Variants in MDGA2 observed in about 807,000 individuals in gnomAD.
The protein encoded by MDGA2 is MAM domain-containing glycosylphosphatidylinositol anchor protein 2.
In MDGA2, 40 loss-of-function variants were observed where a neutral mutation model predicts 117.8. The observed-to-expected ratio is 0.34, with a 90% CI of 0.26 to 0.44. The LOEUF is 0.44. Ranked by LOEUF, MDGA2 falls within the 20% of genes least tolerant of loss-of-function variation. The pLI is 1.00. For missense variants in MDGA2, 1,123 were observed against 1,250.6 expected (o/e 0.90, Z 1.54); for synonymous variants, 452 against 439.0 (o/e 1.03, Z -0.37).
intron 11 of MDGA2, among the ~76,000 whole-genome samples, chr14:46,881,437 T>G (rs1285830720): frequency 6.6e-6 from 1 of 152,096 alleles, no homozygotes; most frequent in East Asian, 1.9e-4. Context: ...GGTGGAGAAA[T>G]TATATACACT....
At chr14:47,245,265 G>C (rs1351524363) in intron 2 of MDGA2, among the ~76,000 whole-genome samples, 1 of 151,806 alleles carries the variant, frequency 6.6e-6, no homozygotes, top group African/African-American at 2.4e-5. Flanking sequence ...CTGAGGTCAA[G>C]AGATCCTCCC....
chr14:47,130,273 G>C (rs895038072), intron 5 of MDGA2, among the ~76,000 whole-genome samples: 1 of 152,018 alleles, frequency 6.6e-6, no homozygotes, highest in Non-Finnish European at 1.5e-5. Context: ...TTTTGTATAA[G>C]GTGTAAGGAA....
intron 1 of MDGA2, among the ~76,000 whole-genome samples, chr14:47,308,093 A>T (rs1378420631): frequency 6.6e-6 from 1 of 152,138 alleles, no homozygotes; most frequent in Non-Finnish European, 1.5e-5. Flanking sequence ...ACAAAAGGTC[A>T]TTGCCTTTGG....
chr14:47,593,409 A>G (rs1433589640), intron 1 of MDGA2, among the ~76,000 whole-genome samples: 2 of 152,132 alleles, frequency 1.3e-5, no homozygotes, highest in South Asian at 4.1e-4. Flanking sequence ...GTATCATTCT[A>G]TTATAAAGAT....
At chr14:47,057,689 C>T (rs1348274885) in intron 7 of MDGA2, among the ~76,000 whole-genome samples, 3 of 121,768 alleles carry the variant, frequency 2.5e-5, no homozygotes. Context: ...CTCTCCTCTC[C>T]AATCTGCCTT....
At chr14:47,100,564 C>T (rs1017820128) in intron 5 of MDGA2, among the ~76,000 whole-genome samples, 4 of 151,940 alleles carry the variant, frequency 2.6e-5, no homozygotes, top group East Asian at 1.9e-4. Flanking sequence ...ATTGATTCAT[C>T]GCAGCAACAT....
chr14:47,232,659 G>T (rs919889169), intron 2 of MDGA2, among the ~76,000 whole-genome samples: 5 of 152,022 alleles, frequency 3.3e-5, no homozygotes, highest in Non-Finnish European at 7.4e-5. Context: ...CCAAAAGTAT[G>T]CTCCCTCCAG....
chr14:47,520,796 T>TCATTCCA (rs2138712611), intron 1 of MDGA2, among the ~76,000 whole-genome samples: 1 of 152,326 alleles, frequency 6.6e-6, no homozygotes, highest in African/African-American at 2.4e-5. Flanking sequence ...TCCAATCTAT[T>TCATTCCA]AGATTCATTA....
intron 2 of MDGA2, among the ~76,000 whole-genome samples, chr14:47,262,537 T>C (rs1212814565): frequency 1.3e-5 from 2 of 152,188 alleles, no homozygotes; most frequent in Non-Finnish European, 2.9e-5. Flanking sequence ...ATGATGCAAA[T>C]AGGCACCAGT....
At chr14:47,145,040 A>G (rs1882886108) in intron 3 of MDGA2, among the ~76,000 whole-genome samples, 1 of 152,084 alleles carries the variant, frequency 6.6e-6, no homozygotes, top group African/African-American at 2.4e-5. Flanking sequence ...TATGTATAGT[A>G]CCAAAATATG....
chr14:46,942,750 C>T (rs1223439217), intron 9 of MDGA2, among the ~76,000 whole-genome samples: 2 of 152,088 alleles, frequency 1.3e-5, no homozygotes. Context: ...ATTTTTAACA[C>T]TGAGTAAAAT....
chr14:47,440,493 C>A (rs1396019437), intron 1 of MDGA2, among the ~76,000 whole-genome samples: 1 of 152,090 alleles, frequency 6.6e-6, no homozygotes, highest in Non-Finnish European at 1.5e-5. Flanking sequence ...CAACTTAAGT[C>A]ATACGTAATT....
chr14:47,480,945 T>A (rs1749178385), intron 1 of MDGA2, among the ~76,000 whole-genome samples: 3 of 151,962 alleles, frequency 2.0e-5, no homozygotes, highest in Admixed American at 1.3e-4. Context: ...CTTGCTATTA[T>A]AATGGTAATC....
intron 1 of MDGA2, among the ~76,000 whole-genome samples, chr14:47,645,596 TA>T (rs767702784): frequency 8.6e-4 from 131 of 152,052 alleles, no homozygotes; most frequent in Non-Finnish European, 1.6e-3. Context: ...ATAATTCTTA[TA>T]AAAATAATTC....
chr14:47,049,394 T>C (rs1889375440), intron 7 of MDGA2, among the ~76,000 whole-genome samples: 1 of 146,474 alleles, frequency 6.8e-6, no homozygotes, highest in South Asian at 2.2e-4. Flanking sequence ...ATAACCTATC[T>C]CATCTTCCCA....
Position 46,842,016 on chromosome 14 carries a change from G to C in MDGA2, c.2993C>G (p.Ser998Cys). Residue 998 changes from serine to cysteine, a missense_variant, in exon 17 of 17, where the codon TCC becomes TGC. Physicochemically the swap from Ser to Cys is moderately radical, Grantham distance 112. Coordinates refer to ENST00000399232, the MANE Select transcript of MDGA2 (RefSeq NM_001113498.3). ...CAKQDLATKN[S>C]VDGAVGILVH... ...CAAAATCCCAACAGCACCATCAACGGAATCTAAAGATAAGGAAAATAAATG... is the reference window on the plus strand; with the variant it reads ...CAAAATCCCAACAGCACCATCAACGCAATCTAAAGATAAGGAAAATAAATG... 1.9e-6 allele frequency: 3 copies of C among 1,606,522 alleles called. No individual in the cohort carries two copies. Among genetic ancestry groups the C allele is most frequent in the Non-Finnish European group, 1.7e-6 (2 of 1,174,530 alleles).
At chr14:47,328,822 G>A (rs1377418897) in intron 1 of MDGA2, among the ~76,000 whole-genome samples, 1 of 152,052 alleles carries the variant, frequency 6.6e-6, no homozygotes, top group Non-Finnish European at 1.5e-5. Flanking sequence ...ATTCTTTTTA[G>A]GACCTGCTGC....
rs1270026731 is a variant in MDGA2 at position 46,957,375 on chromosome 14, T to G, written c.2088A>C (p.Thr696=). Residue 696 remains threonine, a splice_region_variant and synonymous_variant, in exon 9 of 17, where the codon ACA becomes ACC. Transcript: ENST00000399232. The part of the protein sequence containing the change: ...AGAGRCSFLV[T]GKAYAPEFYY... Reference sequence around the variant, plus strand: ...AAAAGAAAATATCTGGAATCCTACCTGTAACAAGAAAGCTGCATCTCCCAG... The same window carrying G: ...AAAAGAAAATATCTGGAATCCTACCGGTAACAAGAAAGCTGCATCTCCCAG... 1 of 1,612,098 alleles carries G rather than the reference T, an allele frequency of 6.2e-7. No individual in the cohort carries two copies.
chr14:47,149,089 G>A (rs548080092), intron 3 of MDGA2, among the ~76,000 whole-genome samples: 5 of 152,190 alleles, frequency 3.3e-5, no homozygotes, highest in South Asian at 2.1e-4. Context: ...TCAGGGGTTC[G>A]AGACAAGCCT....
Sources: gnomAD v4.1 joint callset for allele counts (sites outside exome capture counted in the v4.1 genomes callset) on GRCh38, gnomAD v4.1.1 for gene constraint, MANE v1.5 for transcripts, NCBI Gene and HGNC (gene_info 2026-07-23, HGNC 2026-07-21) for gene names.